Variants in BCAR1 observed in about 807,000 individuals in gnomAD.
BCAR1 encodes the protein BCAR1 scaffold protein, Cas family member.
BCAR1 carries 30 observed loss-of-function variants against 67.6 expected under a neutral mutation model. The observed-to-expected ratio is 0.44, with a 90% CI of 0.33 to 0.60. The LOEUF (loss-of-function observed/expected upper bound fraction) is 0.60. Ranked by LOEUF, BCAR1 falls within the 20% of genes least tolerant of loss-of-function variation. The pLI is 0.02. For missense variants in BCAR1, 1,313 were observed against 1,222.3 expected, an observed-to-expected ratio of 1.07 and a Z score of -1.11; for synonymous variants, 626 against 556.7, an observed-to-expected ratio of 1.12 and a Z score of -1.75.
rs144331160 is a variant in BCAR1 at position 75,260,291 on chromosome 16, G to C, written c.66+7624C>G. Among the ~76,000 whole-genome samples, 319 of 152,274 alleles carry C rather than the reference G, an allele frequency of 2.1e-3. 1 individual carries two copies. Among genetic ancestry groups the C allele is most frequent in the Non-Finnish European group, 3.6e-3 (245 of 68,028 alleles). ...GGCAAACTTAAGCCAGGGTGATAGA[G>C]ACATTTGTTATTTTGATTCGATTGA... is the stretch of plus-strand genomic sequence containing the variant. On this transcript the variant is annotated intron_variant, in intron 1 of 6. Transcript: ENST00000393422.
intron 1 of BCAR1, chr16:75,250,762 T>A (rs1055046700): frequency 1.0e-6 from 1 of 985,450 alleles, no homozygotes; most frequent in Non-Finnish European, 1.2e-6. Flanking sequence ...TCCAAAGCCT[T>A]CATGTCCACA....
At chr16:75,232,090 G>T (rs1469223144) in intron 6 of BCAR1, among the ~76,000 whole-genome samples, 1 of 151,528 alleles carries the variant, frequency 6.6e-6, no homozygotes, top group Non-Finnish European at 1.5e-5. Flanking sequence ...CTCCATGTTG[G>T]TCAGGCTGGT....
upstream of BCAR1, among the ~76,000 whole-genome samples, chr16:75,255,630 G>A (rs1390443768): frequency 2.0e-5 from 3 of 151,632 alleles, no homozygotes; most frequent in Non-Finnish European, 4.4e-5. Flanking sequence ...AGGAGGTGAA[G>A]CAGTGAGCTG....
intron 1 of BCAR1, chr16:75,265,955 C>T: frequency 9.3e-7 from 1 of 1,078,018 alleles, no homozygotes; most frequent in Non-Finnish European, 1.1e-6. Context: ...TCCTCCGGCT[C>T]CTGAGCGTTC....
At chr16:75,244,071 C>T (rs1025923340) in intron 1 of BCAR1, among the ~76,000 whole-genome samples, 5 of 152,222 alleles carry the variant, frequency 3.3e-5, no homozygotes, top group African/African-American at 1.2e-4. Context: ...CCCCAGACTT[C>T]ACACACAGGG....
chr16:75,261,585 G>A (rs2077908989), intron 1 of BCAR1, among the ~76,000 whole-genome samples: 1 of 152,250 alleles, frequency 6.6e-6, no homozygotes, highest in Non-Finnish European at 1.5e-5. Context: ...CAGGGCAGCA[G>A]CTGCATAGAT....
At chr16:75,248,086 AG>A in intron 1 of BCAR1, 1 of 1,593,586 alleles carries the variant, frequency 6.3e-7, no homozygotes, top group Non-Finnish European at 8.5e-7. Context: ...ACCAAGGCTC[AG>A]AAGCTCCCTG....
chr16:75,265,701 G>A (rs1243743135), intron 1 of BCAR1: 2 of 1,076,440 alleles, frequency 1.9e-6, no homozygotes, highest in East Asian at 7.9e-5. Flanking sequence ...CGGGGCCGAG[G>A]AGGCCCCAGT....
chr16:75,232,019 T>G (rs1376700733), intron 6 of BCAR1, among the ~76,000 whole-genome samples: 2 of 136,920 alleles, frequency 1.5e-5, no homozygotes, highest in South Asian at 2.4e-4. Context: ...GTAGCTGGGA[T>G]TACAGGCATG....
chr16:75,253,475 C>G (rs529708012), upstream of BCAR1, among the ~76,000 whole-genome samples: 1 of 152,178 alleles, frequency 6.6e-6, no homozygotes, highest in African/African-American at 2.4e-5. Context: ...CCAAGGAGGG[C>G]GGTGCAGAGA....
chr16:75,242,382 A>C, intron 2 of BCAR1, 88 bp downstream of exon 2: 1 of 1,319,252 alleles, frequency 7.6e-7, no homozygotes, highest in Non-Finnish European at 9.7e-7. Context: ...AATGCCGGTG[A>C]TTGAGGGTGG....
rs568634095 is a variant in BCAR1 at position 75,243,207 on chromosome 16, A to C, written c.13-117T>G. 69 of 1,133,884 alleles carry C rather than the reference A, an allele frequency of 6.1e-5. 1 individual carries two copies. In the Admixed American group the frequency reaches 1.5e-3, roughly 24 times the overall value. The allele number at this position is 1,133,884 out of a possible 1,614,324, so 70.2% of individuals were successfully genotyped here. A position where few individuals can be genotyped will look rare whatever the true frequency, so the allele number is the denominator to read the frequency against. ...AGCTTTGATACTAGGAAAAGAACTCAGTGGAGTTTGGCGAGATCATTGTGC... is the reference window on the plus strand; with the variant it reads ...AGCTTTGATACTAGGAAAAGAACTCCGTGGAGTTTGGCGAGATCATTGTGC... On this transcript the variant is annotated intron_variant, in intron 1 of 6. Coordinates refer to ENST00000162330, the MANE Select transcript of BCAR1 (RefSeq NM_014567.5).
At chr16:75,267,337 C>T (rs907625334) in intron 1 of BCAR1, among the ~76,000 whole-genome samples, 5 of 150,762 alleles carry the variant, frequency 3.3e-5, no homozygotes, top group African/African-American at 9.9e-5. Context: ...CATCAGCGTC[C>T]GCAGCCCAGT....
chr16:75,231,867 A>G (rs533332426), intron 6 of BCAR1, among the ~76,000 whole-genome samples: 3 of 152,312 alleles, frequency 2.0e-5, no homozygotes, highest in African/African-American at 7.2e-5. Flanking sequence ...AGACCTATAT[A>G]TTGTTGATAT....
At chr16:75,251,140 G>A (rs2077667770) in intron 1 of BCAR1, among the ~76,000 whole-genome samples, 6 of 152,254 alleles carry the variant, frequency 3.9e-5, no homozygotes, top group African/African-American at 2.4e-5. Flanking sequence ...TCGGAGGCAG[G>A]GCGCAGAGGC....
At chr16:75,234,092 C>T (rs1002733660) in intron 5 of BCAR1, among the ~76,000 whole-genome samples, 157 bp from the exon 6 acceptor site, 4 of 141,580 alleles carry the variant, frequency 2.8e-5, no homozygotes, top group Non-Finnish European at 4.4e-5. Flanking sequence ...CACTAGCACA[C>T]GTGGACACAC....
intron 1 of BCAR1, among the ~76,000 whole-genome samples, chr16:75,265,546 A>G (rs960570294): frequency 6.6e-6 from 1 of 151,380 alleles, no homozygotes; most frequent in African/African-American, 2.4e-5. Context: ...ACCAACAAAG[A>G]GTCTTCCCGA....
intron 1 of BCAR1, chr16:75,265,905 C>G (rs1404426598): frequency 8.9e-7 from 1 of 1,121,310 alleles, no homozygotes; most frequent in Admixed American, 4.9e-5. Flanking sequence ...TCCGCCCGCG[C>G]CGCTCAGAGG....
At chr16:75,249,411 G>C (rs370012933) in intron 1 of BCAR1, 3 of 152,236 alleles carry the variant, frequency 2.0e-5, no homozygotes, top group South Asian at 2.1e-4. Flanking sequence ...TCCTGTGCTC[G>C]GAGGGCCAGG....
Sources: gnomAD v4.1 joint callset for allele counts (sites outside exome capture counted in the v4.1 genomes callset) on GRCh38, gnomAD v4.1.1 for gene constraint, MANE v1.5 for transcripts, NCBI Gene and HGNC (gene_info 2026-07-23, HGNC 2026-07-21) for gene names.